The following ABR variants were observed in gnomAD, a reference collection of about 807,000 sequenced individuals.
The protein encoded by ABR is active breakpoint cluster region-related protein.
In ABR, 35 loss-of-function variants were observed where a neutral mutation model predicts 107.2. The observed-to-expected ratio is 0.33, with a 90% CI of 0.25 to 0.43. The LOEUF (loss-of-function observed/expected upper bound fraction) is 0.43. Among genes scored for constraint, ABR ranks in the 20% least tolerant of loss-of-function variants. The pLI is 1.00. For missense variants in ABR, 815 were observed against 1,115.2 expected, an observed-to-expected ratio of 0.73 and a Z score of 3.83; for synonymous variants, 498 against 462.0, an observed-to-expected ratio of 1.08 and a Z score of -1.00.
rs2034830245 is a variant in ABR, at chr17:1,067,258, A to C, written c.1017-16T>G. On this transcript the variant is annotated splice_polypyrimidine_tract_variant and intron_variant, in intron 9 of 22. Coordinates refer to ENST00000302538, the MANE Select transcript of ABR (RefSeq NM_021962.5). ...CTGGTGCTTCCTGCAAACGAGCCAGAGGGAGCCATGAGCCAGAGGGAGCCT... is the reference window on the plus strand; with the variant it reads ...CTGGTGCTTCCTGCAAACGAGCCAGCGGGAGCCATGAGCCAGAGGGAGCCT... 1.3e-6 allele frequency: 2 copies of C among 1,562,658 alleles called. No individual in the cohort carries two copies. Among genetic ancestry groups the C allele is most frequent in the Admixed American group, 1.9e-5 (1 of 53,790 alleles).
At chr17:1,081,547 C>A (rs1234417166) in intron 5 of ABR, among the ~76,000 whole-genome samples, 1 of 152,188 alleles carries the variant, frequency 6.6e-6, no homozygotes, top group Non-Finnish European at 1.5e-5. Flanking sequence ...GGAGAGGGGC[C>A]TGTGTTTTCC....
intron 16 of ABR, among the ~76,000 whole-genome samples, chr17:1,033,292 G>A (rs1036272771): frequency 3.3e-5 from 5 of 152,202 alleles, no homozygotes; most frequent in African/African-American, 7.2e-5. Flanking sequence ...AGAGACAGCC[G>A]TAGTCAGAGC....
chr17:1,036,532 G>A (rs986669384), intron 16 of ABR, among the ~76,000 whole-genome samples: 1 of 152,024 alleles, frequency 6.6e-6, no homozygotes, highest in Non-Finnish European at 1.5e-5. Flanking sequence ...GCGGACCCGA[G>A]GCTTTGGGGG....
At chr17:1,224,174 C>T (rs141779699) in intron 1 of ABR, among the ~76,000 whole-genome samples, 59 of 152,124 alleles carry the variant, frequency 3.9e-4, no homozygotes, top group African/African-American at 1.4e-3. Context: ...CACGCACCAC[C>T]CAACACAGCT....
chr17:1,061,973 T>A (rs1325598461), intron 10 of ABR, among the ~76,000 whole-genome samples: 1 of 152,122 alleles, frequency 6.6e-6, no homozygotes, highest in African/African-American at 2.4e-5. Context: ...TTCAGTACCA[T>A]TTAAGCAAAG....
chr17:1,100,673 T>C lies in ABR; in HGVS notation c.309A>G (p.Glu103=), dbSNP rs2037802911. 1 of 1,613,330 alleles carries C rather than the reference T, an allele frequency of 6.2e-7. No individual in the cohort carries two copies. Among genetic ancestry groups the C allele is most frequent in the Non-Finnish European group, 8.5e-7 (1 of 1,179,670 alleles). The change falls in exon 3 of 23, where the codon GAA becomes GAG. Residue 103 remains glutamate, a synonymous_variant. Coordinates refer to ENST00000302538, the MANE Select transcript of ABR (RefSeq NM_021962.5). ...CTTCCAGCTGGTTAATGTAGATCTC[T>C]TCGCTGGCCAAGAACCCCGAGAGAA... ...KLVLSGFLAS[E]EIYINQLEAL...
chr17:1,204,950 CT>C (rs1321233744), intron 1 of ABR, among the ~76,000 whole-genome samples: 1 of 123,832 alleles, frequency 8.1e-6, no homozygotes, highest in Non-Finnish European at 1.6e-5. Flanking sequence ...ATCACCCAGG[CT>C]GGAGTGCAAG....
chr17:1,065,567 A>G lies in ABR; in HGVS notation c.1182+1510T>C, dbSNP rs113710050. On this transcript the variant is annotated intron_variant, in intron 10 of 22. Coordinates refer to ENST00000302538, the MANE Select transcript of ABR (RefSeq NM_021962.5). ...GAGGGCTATGCATGTTCCTCTAGAC[A>G]CTGTTGTTATGTGAACTGAGGGCTA... Among the ~76,000 whole-genome samples, 487 of 149,480 alleles carry G rather than the reference A, an allele frequency of 3.3e-3. 2 individuals are homozygous for G. Among genetic ancestry groups the G allele is most frequent in the African/African-American group, 0.011 (455 of 39,626 alleles).
chr17:1,207,598 G>C (rs1196441750), intron 1 of ABR, among the ~76,000 whole-genome samples: 1 of 140,498 alleles, frequency 7.1e-6, no homozygotes, highest in African/African-American at 2.6e-5. Context: ...GCAGTGAGCC[G>C]AGATGGCGCC....
At chr17:1,106,527 CTTTTTTTTTTTT>C (rs540643214) in intron 2 of ABR, among the ~76,000 whole-genome samples, 1 of 102,586 alleles carries the variant, frequency 9.7e-6, no homozygotes, top group African/African-American at 3.8e-5. Flanking sequence ...TTCTCACAGT[CTTTTTTTTTTTT>C]TTTTTTTTGA....
rs1238639788 is a variant in ABR at position 1,006,003 on chromosome 17, C to T, written c.*77G>A. ...TGCTGGGTTTGGGAGTTTTCTATTGCAGTCTTTCAAGTCTGAGTTGGACCC... is the reference window on the plus strand; with the variant it reads ...TGCTGGGTTTGGGAGTTTTCTATTGTAGTCTTTCAAGTCTGAGTTGGACCC... On this transcript the variant is annotated 3_prime_UTR_variant, in exon 23 of 23. Transcript: ENST00000302538. 1.5e-6 allele frequency: 2 copies of T among 1,312,914 alleles called. No individual in the cohort carries two copies. The highest frequency in any genetic ancestry group is 1.1e-6 in the Non-Finnish European group (1 of 931,064). The allele number at this position is 1,312,914 out of a possible 1,614,324, so 81.3% of individuals were successfully genotyped here. A position where few individuals can be genotyped will look rare whatever the true frequency, so the allele number is the denominator to read the frequency against.
At chr17:1,213,435 G>GC (rs2042940223) in intron 1 of ABR, among the ~76,000 whole-genome samples, 1 of 152,182 alleles carries the variant, frequency 6.6e-6, no homozygotes, top group Admixed American at 6.5e-5. Flanking sequence ...TGTCCCCCAG[G>GC]CTGGAGTGCA....
At chr17:1,072,312 G>A (rs536253687) in intron 8 of ABR, among the ~76,000 whole-genome samples, 14 of 152,312 alleles carry the variant, frequency 9.2e-5, no homozygotes, top group African/African-American at 3.4e-4. Context: ...CCTCTCCTTG[G>A]CTGGGAATGG....
chr17:1,205,497 AGC>A (rs1354861021), intron 1 of ABR, among the ~76,000 whole-genome samples: 1 of 152,146 alleles, frequency 6.6e-6, no homozygotes, highest in East Asian at 1.9e-4. Flanking sequence ...AGATTTCAGT[AGC>A]GTTTGAATCT....
At chr17:1,038,952 A>C (rs2247953) in intron 16 of ABR, among the ~76,000 whole-genome samples, 75,059 of 152,094 alleles carry the variant, frequency 0.49, 18,731 homozygotes, top group Admixed American at 0.59. Flanking sequence ...GGAGGAATCT[A>C]TGTCTGCGGC....
upstream of ABR, among the ~76,000 whole-genome samples, chr17:1,180,187 C>T (rs1000641710): frequency 1.3e-5 from 2 of 151,972 alleles, no homozygotes; most frequent in African/African-American, 4.8e-5. Context: ...GGGGGGTCTC[C>T]AGGCGGCGGC....
chr17:1,216,488 G>A (rs1044935257), intron 1 of ABR, among the ~76,000 whole-genome samples: 8 of 152,346 alleles, frequency 5.3e-5, no homozygotes, highest in African/African-American at 1.4e-4. Context: ...GCAAAATCAC[G>A]TCCAGCCTGA....
intron 13 of ABR, among the ~76,000 whole-genome samples, chr17:1,056,699 A>T (rs2151069195): frequency 1.3e-5 from 2 of 151,942 alleles, no homozygotes; most frequent in South Asian, 4.2e-4. Flanking sequence ...TTTCCCATAC[A>T]CCATTTTATC....
At chr17:1,204,338 G>C (rs917098770) in intron 1 of ABR, among the ~76,000 whole-genome samples, 1 of 152,142 alleles carries the variant, frequency 6.6e-6, no homozygotes, top group African/African-American at 2.4e-5. Context: ...CCAGCTACTC[G>C]GGAGGCTGAG....
Sources: gnomAD v4.1 joint callset for allele counts (sites outside exome capture counted in the v4.1 genomes callset) on GRCh38, gnomAD v4.1.1 for gene constraint, MANE v1.5 for transcripts, NCBI Gene and HGNC (gene_info 2026-07-23, HGNC 2026-07-21) for gene names.